EYA1: variants seen among roughly 807,000 people sequenced by gnomAD.
EYA1 encodes protein phosphatase EYA1.
A neutral mutation model predicts 82.0 loss-of-function variants in EYA1; 16 were observed. The observed-to-expected ratio is 0.20, with a 90% CI of 0.13 to 0.30. The LOEUF (loss-of-function observed/expected upper bound fraction) is 0.30. Among genes scored for constraint, EYA1 ranks in the 10% least tolerant of loss-of-function variants. The pLI is 1.00. For missense variants in EYA1, 633 were observed against 730.7 expected (o/e 0.87, Z 1.54); for synonymous variants, 261 against 264.4 (o/e 0.99, Z 0.12).
chr8:71,257,648 G>A (rs1434055787), intron 11 of EYA1, among the ~76,000 whole-genome samples: 2 of 152,162 alleles, frequency 1.3e-5, no homozygotes, highest in African/African-American at 2.4e-5. Context: ...GACGATGCTT[G>A]GCTTCTATTC....
intron 2 of EYA1, among the ~76,000 whole-genome samples, chr8:71,492,818 A>C (rs914211987): frequency 1.3e-5 from 2 of 152,134 alleles, no homozygotes; most frequent in Non-Finnish European, 2.9e-5. Flanking sequence ...TACAAAGTAA[A>C]CTTGTGTCAC....
chr8:71,241,627 T>C (rs572725674), intron 12 of EYA1, among the ~76,000 whole-genome samples: 105 of 152,270 alleles, frequency 6.9e-4, no homozygotes, highest in South Asian at 1.7e-3. Context: ...AAGAGACTAT[T>C]AAGCTCCTTG....
chr8:71,311,038 G>T (rs1186561909), intron 7 of EYA1, among the ~76,000 whole-genome samples: 3 of 152,134 alleles, frequency 2.0e-5, no homozygotes, highest in African/African-American at 7.2e-5. Flanking sequence ...AAAATTGTTT[G>T]CACGTGAACT....
chr8:71,420,639 T>C (rs1444253976), intron 2 of EYA1, among the ~76,000 whole-genome samples: 2 of 152,072 alleles, frequency 1.3e-5, no homozygotes, highest in Non-Finnish European at 2.9e-5. Flanking sequence ...TACTAAAAAA[T>C]TGATAGCTGA....
At chr8:71,405,880 T>G (rs1238030892) in intron 2 of EYA1, among the ~76,000 whole-genome samples, 1 of 152,222 alleles carries the variant, frequency 6.6e-6, no homozygotes, top group Non-Finnish European at 1.5e-5. Context: ...ACTATCTTCC[T>G]TTTCTCAATT....
chr8:71,525,177 G>A (rs1021059525), intron 2 of EYA1, among the ~76,000 whole-genome samples: 3 of 152,126 alleles, frequency 2.0e-5, no homozygotes, highest in Non-Finnish European at 2.9e-5. Flanking sequence ...CAACACAAGC[G>A]TTCCATCGCC....
intron 11 of EYA1, 42 bp downstream of exon 11, chr8:71,269,698 T>G (rs1816282915): frequency 1.4e-6 from 2 of 1,405,060 alleles, no homozygotes; most frequent in Non-Finnish European, 2.0e-6. Context: ...AGAGGTATAT[T>G]TACTCCAAAG....
At chr8:71,388,506 AATT>A (rs1237811707) in intron 2 of EYA1, among the ~76,000 whole-genome samples, 1 of 152,192 alleles carries the variant, frequency 6.6e-6, no homozygotes, top group Non-Finnish European at 1.5e-5. Flanking sequence ...GCTAATGTGT[AATT>A]TCACATGTAG....
intron 12 of EYA1, among the ~76,000 whole-genome samples, chr8:71,239,624 C>A (rs1335364165): frequency 6.6e-6 from 1 of 152,006 alleles, no homozygotes; most frequent in Non-Finnish European, 1.5e-5. Flanking sequence ...ACATAGGGAC[C>A]CTTAGGTTTG....
chr8:71,499,362 C>A (rs1277124644), intron 2 of EYA1, among the ~76,000 whole-genome samples: 2 of 152,090 alleles, frequency 1.3e-5, no homozygotes, highest in Non-Finnish European at 2.9e-5. Flanking sequence ...TTCGTAAATG[C>A]CTGAAATTTA....
At chr8:71,495,818 C>T (rs1172686137) in intron 2 of EYA1, among the ~76,000 whole-genome samples, 1 of 152,100 alleles carries the variant, frequency 6.6e-6, no homozygotes, top group African/African-American at 2.4e-5. Context: ...AGTGGTCTCC[C>T]TGGGTGAAAA....
At position 71,437,055 on chromosome 8, in the gene EYA1, C is replaced by CATATATAT. The variant is rs34634844; in HGVS notation, c.34-80552_34-80545dup. Among the ~76,000 whole-genome samples the CATATATAT allele has an allele frequency of 4.8e-3, 696 of 144,768 alleles. 5 individuals are homozygous for CATATATAT. The highest frequency in any genetic ancestry group is 0.017 in the African/African-American group (673 of 39,852). The allele number at this position is 144,768 out of a possible 152,430, so 95.0% of individuals were successfully genotyped here. A position where few individuals can be genotyped will look rare whatever the true frequency, so the allele number is the denominator to read the frequency against. On this transcript the variant is annotated intron_variant, in intron 2 of 18. Coordinates refer to the EYA1 transcript ENST00000643681. Reference sequence around the variant, plus strand: ...AGTTCCAGGTGTGTGTGTATATCTACATATATATATATATATCTCCATCTT... The same window carrying CATATATAT: ...AGTTCCAGGTGTGTGTGTATATCTACATATATATATATATATATATATATCTCCATCTT...
intron 9 of EYA1, among the ~76,000 whole-genome samples, chr8:71,293,943 A>G (rs1207698762): frequency 6.6e-6 from 1 of 151,546 alleles, no homozygotes; most frequent in African/African-American, 2.4e-5. Context: ...ATGCAATAAG[A>G]AAATAAAAGG....
At chr8:71,518,448 G>A (rs1328917369) in intron 2 of EYA1, among the ~76,000 whole-genome samples, 1 of 152,120 alleles carries the variant, frequency 6.6e-6, no homozygotes, top group Non-Finnish European at 1.5e-5. Flanking sequence ...CGATGTAAAG[G>A]TGAAGCGACA....
At chr8:71,219,843 T>C (rs908724778) in intron 12 of EYA1, among the ~76,000 whole-genome samples, 3 of 152,194 alleles carry the variant, frequency 2.0e-5, no homozygotes, top group African/African-American at 7.2e-5. Flanking sequence ...GGGGAGAAAC[T>C]TTCCTTCTAC....
intron 11 of EYA1, among the ~76,000 whole-genome samples, chr8:71,258,992 T>C (rs1814775209): frequency 6.6e-6 from 1 of 152,168 alleles, no homozygotes; most frequent in Non-Finnish European, 1.5e-5. Flanking sequence ...AGTGACCCCA[T>C]TCAGAGTGCT....
chr8:71,247,817 A>T (rs1305379535), intron 11 of EYA1, among the ~76,000 whole-genome samples: 1 of 152,164 alleles, frequency 6.6e-6, no homozygotes, highest in Non-Finnish European at 1.5e-5. Flanking sequence ...TAAGGTGTTT[A>T]TTCCCTCTAG....
intron 2 of EYA1, among the ~76,000 whole-genome samples, chr8:71,472,015 G>A (rs1004789888): frequency 6.6e-6 from 1 of 151,960 alleles, no homozygotes; most frequent in Non-Finnish European, 1.5e-5. Context: ...CATTCCCTAG[G>A]AACCAAGAAT....
chr8:71,511,650 GAA>G (rs1412481922), intron 2 of EYA1, among the ~76,000 whole-genome samples: 4 of 152,174 alleles, frequency 2.6e-5, no homozygotes, highest in African/African-American at 9.7e-5. Context: ...TGCACGTGGA[GAA>G]GAGAGGTGCC....
Sources: gnomAD v4.1 joint callset for allele counts (sites outside exome capture counted in the v4.1 genomes callset) on GRCh38, gnomAD v4.1.1 for gene constraint, MANE v1.5 for transcripts, NCBI Gene and HGNC (gene_info 2026-07-23, HGNC 2026-07-21) for gene names.